Variants in HDAC4 observed in about 807,000 individuals in gnomAD.
HDAC4 encodes histone deacetylase 4.
In HDAC4, 16 loss-of-function variants were observed where a neutral mutation model predicts 135.1. That is an observed-to-expected ratio of 0.12 (90% CI 0.08 to 0.18). The LOEUF (loss-of-function observed/expected upper bound fraction) is 0.18. Among genes scored for constraint, HDAC4 ranks in the 10% least tolerant of loss-of-function variants. The probability of loss-of-function intolerance (pLI) is 1.00; values close to 1 mark genes in which losing one functional copy is unlikely to be tolerated. For synonymous variants in HDAC4, 685 were observed against 653.4 expected, an observed-to-expected ratio of 1.05 and a Z score of -0.74; for missense variants, 1,143 against 1,511.8, an observed-to-expected ratio of 0.76 and a Z score of 4.05.
At chr2:239,322,395 ATC>A (rs1286788606) in intron 2 of HDAC4, among the ~76,000 whole-genome samples, 1 of 152,206 alleles carries the variant, frequency 6.6e-6, no homozygotes, top group Non-Finnish European at 1.5e-5. Context: ...CTGTTTTCTC[ATC>A]TGTAAAATAC....
chr2:239,345,756 ACCC>A (rs199667023), intron 2 of HDAC4, among the ~76,000 whole-genome samples: 9,399 of 148,010 alleles, frequency 0.064, 968 homozygotes, highest in African/African-American at 0.23. Flanking sequence ...AAACACACAC[ACCC>A]CCGTCTCACA....
intron 12 of HDAC4, among the ~76,000 whole-genome samples, chr2:239,119,379 A>T (rs1469736863): frequency 1.3e-5 from 2 of 152,170 alleles, no homozygotes; most frequent in African/African-American, 4.8e-5. Flanking sequence ...AATGTCCTGG[A>T]GGCTGCAGGT....
In HDAC4 at chr2:239,134,323, C is replaced by T. The variant is rs147050291; in HGVS notation, c.1216G>A (p.Gly406Arg). The T allele has an allele frequency of 8.6e-5, 138 of 1,613,720 alleles. No individual in the cohort carries two copies. The highest frequency in any genetic ancestry group is 1.0e-4 in the Non-Finnish European group (122 of 1,180,016). Residue 406 changes from glycine (G) to arginine (R), a missense_variant, in exon 11 of 27, where the codon GGA becomes AGA. Around this residue, in one of 9 missense-constraint regions of HDAC4, gnomAD observed 272 missense variants for 309.7 expected, o/e 0.88. Transcript: ENST00000543185. Reference sequence around the variant, plus strand: ...AGAAGAGGGCTGTGCGCTGCCCCTCCGTCCCGCTCCAAGGGCGAGGTGCTC... The same window carrying T: ...AGAAGAGGGCTGTGCGCTGCCCCTCTGTCCCGCTCCAAGGGCGAGGTGCTC... Reference protein sequence around the residue: ...YLSTSPLERDGGAAHSPLLQH... With the variant: ...YLSTSPLERDRGAAHSPLLQH...
At chr2:239,202,638 T>C (rs2153077493) in intron 3 of HDAC4, among the ~76,000 whole-genome samples, 1 of 152,152 alleles carries the variant, frequency 6.6e-6, no homozygotes, top group Non-Finnish European at 1.5e-5. Context: ...AGGGACAGGA[T>C]GCACCCTCCA....
chr2:239,127,848 C>A (rs562376361), intron 11 of HDAC4, among the ~76,000 whole-genome samples: 1 of 152,356 alleles, frequency 6.6e-6, no homozygotes, highest in East Asian at 1.9e-4. Flanking sequence ...TCCCCCAGGA[C>A]ACTGATGCCA....
intron 4 of HDAC4, among the ~76,000 whole-genome samples, chr2:239,188,799 G>A (rs2044714422): frequency 2.0e-5 from 3 of 152,246 alleles, no homozygotes. Flanking sequence ...GCTCCCTCTG[G>A]GAAGCTGGCT....
intron 15 of HDAC4, among the ~76,000 whole-genome samples, chr2:239,106,313 C>T (rs1207445117): frequency 6.6e-6 from 1 of 152,196 alleles, no homozygotes; most frequent in African/African-American, 2.4e-5. Flanking sequence ...ATCCCCTGGC[C>T]TCAGCGGAAC....
Position 239,189,821 on chromosome 2 carries a change from A to G in HDAC4, c.339+12T>C. 1 of 1,601,508 alleles carries G rather than the reference A, an allele frequency of 6.2e-7. No individual in the cohort carries two copies. The highest frequency in any genetic ancestry group is 1.1e-5 in the South Asian group (1 of 90,532). On this transcript the variant is annotated intron_variant, in intron 4 of 26. Coordinates refer to ENST00000543185, the MANE Select transcript of HDAC4 (RefSeq NM_001378414.1). Reference sequence around the variant, plus strand: ...AGGCCTGGCCCACCCGCAGCCCCGCACCGCGCCTCACCTTGATGTGCTCGT... The same window carrying G: ...AGGCCTGGCCCACCCGCAGCCCCGCGCCGCGCCTCACCTTGATGTGCTCGT...
chr2:239,397,395 C>T (rs843461), intron 1 of HDAC4, among the ~76,000 whole-genome samples: 105,556 of 152,112 alleles, frequency 0.69, 36,861 homozygotes, highest in East Asian at 0.93. Flanking sequence ...TACGGGAGCA[C>T]GTGACAGCTG....
intron 6 of HDAC4, among the ~76,000 whole-genome samples, chr2:239,160,689 A>G (rs2042736026): frequency 6.6e-6 from 1 of 152,152 alleles, no homozygotes; most frequent in African/African-American, 2.4e-5. Flanking sequence ...CCCAGTTTGC[A>G]CGGTAGCGTG....
At chr2:239,254,785 G>A (rs12151480) in intron 2 of HDAC4, among the ~76,000 whole-genome samples, 48,899 of 152,166 alleles carry the variant, frequency 0.32, 9,085 homozygotes, top group East Asian at 0.56. Context: ...TTAGATTTAA[G>A]AAGCATGCTA....
chr2:239,384,587 G>A (rs1275685349), intron 1 of HDAC4, among the ~76,000 whole-genome samples: 2 of 151,994 alleles, frequency 1.3e-5, no homozygotes. Context: ...ACTGCACTCC[G>A]GCCTGCACAA....
At chr2:239,373,945 A>G (rs1293190508) in intron 1 of HDAC4, among the ~76,000 whole-genome samples, 1 of 152,178 alleles carries the variant, frequency 6.6e-6, no homozygotes, top group African/African-American at 2.4e-5. Context: ...TCTGAAATGT[A>G]TCTTCCCCTC....
intron 1 of HDAC4, among the ~76,000 whole-genome samples, chr2:239,384,534 G>GA (rs1412484215): frequency 6.6e-6 from 1 of 151,640 alleles, no homozygotes; most frequent in East Asian, 1.9e-4. Context: ...GGCAGATGGA[G>GA]AGAGCCCAAG....
chr2:239,194,825 C>G (rs1025935341), intron 3 of HDAC4, among the ~76,000 whole-genome samples: 6 of 152,216 alleles, frequency 3.9e-5, no homozygotes, highest in Non-Finnish European at 8.8e-5. Flanking sequence ...GCAGGCAGGG[C>G]TCCTTCCAGC....
rs903366366 is a variant in HDAC4 at position 239,068,816 on chromosome 2, C to T, written c.2751-209G>A. ...CCACGTGTGATCCAGGCTCATTTCA[C>T]ATCTTCACAGTGCAAGCCAGCAAGC... On this transcript the variant is annotated intron_variant, in intron 22 of 26. Transcript: ENST00000543185. The surrounding 1 kb of genome is among the most constrained non-coding windows in gnomAD (Gnocchi z 4.4). 1.6e-6 allele frequency: 1 copy of T among 628,154 alleles called. No homozygotes were observed. The highest frequency in any genetic ancestry group is 1.8e-5 in the African/African-American group (1 of 55,782). The allele number at this position is 628,154 out of a possible 1,614,324, so 38.9% of individuals were successfully genotyped here. A position where few individuals can be genotyped will look rare whatever the true frequency, so the allele number is the denominator to read the frequency against.
intron 2 of HDAC4, among the ~76,000 whole-genome samples, chr2:239,323,602 C>T (rs1434839767): frequency 2.0e-5 from 3 of 152,174 alleles, no homozygotes; most frequent in Non-Finnish European, 4.4e-5. Flanking sequence ...GGAGCTCAGG[C>T]CACGCCCTCC....
intron 2 of HDAC4, among the ~76,000 whole-genome samples, chr2:239,311,163 T>C (rs942839541): frequency 1.3e-5 from 2 of 151,788 alleles, no homozygotes; most frequent in Admixed American, 6.6e-5. Flanking sequence ...CCCCGCAGAG[T>C]GAGGTGTTAG....
intron 23 of HDAC4, among the ~76,000 whole-genome samples, chr2:239,067,163 G>C (rs1201700487): frequency 6.6e-6 from 1 of 152,238 alleles, no homozygotes; most frequent in Non-Finnish European, 1.5e-5. Flanking sequence ...CCCCCGCAGA[G>C]GGGCTATGGC....
Sources: gnomAD v4.1 joint callset for allele counts (sites outside exome capture counted in the v4.1 genomes callset) on GRCh38, gnomAD v4.1.1 for gene constraint, gnomAD v4.1.1 regional missense constraint, Gnocchi (gnomAD v3.1) non-coding constraint, MANE v1.5 for transcripts, NCBI Gene and HGNC (gene_info 2026-07-23, HGNC 2026-07-21) for gene names.